MYRIP: variants seen among roughly 807,000 people sequenced by gnomAD.
MYRIP encodes myosin VIIA and Rab interacting protein, also known as rab effector MyRIP.
Under a neutral mutation model 98.0 loss-of-function variants are expected in MYRIP, and 49 were observed. The observed-to-expected ratio is 0.50, with a 90% confidence interval of 0.40 to 0.63. The LOEUF (loss-of-function observed/expected upper bound fraction) is 0.63, where lower values mean the gene tolerates loss of function less well. Ranked by LOEUF, MYRIP falls within the 30% of genes least tolerant of loss-of-function variation. The pLI, the probability that MYRIP is intolerant of heterozygous loss-of-function variation, is 0.00. For synonymous variants in MYRIP, 404 were observed against 409.5 expected (o/e 0.99, Z 0.16); for missense variants, 1,004 against 1,058.2 (o/e 0.95, Z 0.71).
intron 2 of MYRIP, among the ~76,000 whole-genome samples, chr3:39,942,344 G>T (rs981294409): frequency 3.9e-5 from 6 of 152,066 alleles, no homozygotes; most frequent in Non-Finnish European, 7.4e-5. Flanking sequence ...TAAAAATGTT[G>T]TATGAACCTT....
At chr3:39,945,113 G>A (rs1944869997) in intron 2 of MYRIP, among the ~76,000 whole-genome samples, 1 of 151,866 alleles carries the variant, frequency 6.6e-6, no homozygotes, top group South Asian at 2.1e-4. Flanking sequence ...TAAGCCACAT[G>A]CTTAAGGTTC....
In MYRIP at chr3:40,252,739, T is replaced by TGA. The variant is rs1953415940; in HGVS notation, c.2547+741_2547+742dup. On this transcript the variant is annotated intron_variant, in intron 16 of 16. Coordinates refer to ENST00000302541, the MANE Select transcript of MYRIP (RefSeq NM_015460.4). ...GCGGTCACAAGCCTACCAAGCCTGT[T>TGA]GATAGCTGGTTGTCCAAGATAGAAT... Among the ~76,000 whole-genome samples the TGA allele has an allele frequency of 2.0e-5, 3 of 152,192 alleles. 1 individual carries two copies. The South Asian group carries it at 6.2e-4, about 32-fold the overall frequency.
intron 2 of MYRIP, among the ~76,000 whole-genome samples, chr3:39,971,579 A>C (rs1945585746): frequency 6.6e-6 from 1 of 152,058 alleles, no homozygotes; most frequent in Non-Finnish European, 1.5e-5. Flanking sequence ...GCACAAAAGA[A>C]ATCTGTACCT....
intron 2 of MYRIP, among the ~76,000 whole-genome samples, chr3:40,039,727 T>C (rs199780418): frequency 6.9e-4 from 2 of 2,906 alleles, no homozygotes; most frequent in Non-Finnish European, 0.034. Context: ...CTGTTTTCCC[T>C]TTTTTTTTTT....
At chr3:40,218,182 C>T (rs1952181967) in intron 11 of MYRIP, among the ~76,000 whole-genome samples, 1 of 152,060 alleles carries the variant, frequency 6.6e-6, no homozygotes, top group African/African-American at 2.4e-5. Flanking sequence ...CACAGACACA[C>T]ACAAAAAACA....
intron 16 of MYRIP, among the ~76,000 whole-genome samples, chr3:40,255,383 C>T (rs9311241): frequency 0.014 from 2,149 of 152,198 alleles, 38 homozygotes; most frequent in African/African-American, 0.047. Flanking sequence ...TGTACAACCT[C>T]GTGAACATAC....
At chr3:40,161,538 C>T (rs1950395722) in intron 4 of MYRIP, among the ~76,000 whole-genome samples, 1 of 152,204 alleles carries the variant, frequency 6.6e-6, no homozygotes, top group Admixed American at 6.5e-5. Flanking sequence ...CCTCCCCCTC[C>T]CCTTGGTCTT....
At chr3:39,957,741 C>T (rs1472917973) in intron 2 of MYRIP, among the ~76,000 whole-genome samples, 1 of 152,094 alleles carries the variant, frequency 6.6e-6, no homozygotes, top group Non-Finnish European at 1.5e-5. Context: ...GTCAAATTGT[C>T]CCTGTTTGCA....
intron 8 of MYRIP, among the ~76,000 whole-genome samples, chr3:40,175,618 G>A (rs1020952848): frequency 1.3e-5 from 2 of 152,230 alleles, no homozygotes; most frequent in Non-Finnish European, 2.9e-5. Flanking sequence ...CCATAGCAGG[G>A]CCAGCCTGGT....
rs547209507 is a variant in MYRIP, at chr3:39,946,695, T to C, written c.110+45769T>C. ...AGCTTGGAAGCAGATCTTTCCCTAGTTGGGCCTCCCACATGAGGACACAGC... is the reference window on the plus strand; with the variant it reads ...AGCTTGGAAGCAGATCTTTCCCTAGCTGGGCCTCCCACATGAGGACACAGC... On this transcript the variant is annotated intron_variant, in intron 2 of 16. Transcript: ENST00000302541. Among the ~76,000 whole-genome samples the C allele has an allele frequency of 3.9e-5, 6 of 152,238 alleles. No homozygotes were observed. In the South Asian group the frequency reaches 8.3e-4, roughly 21 times the overall value.
At chr3:39,856,744 G>T (rs1047657704) in intron 1 of MYRIP, among the ~76,000 whole-genome samples, 1 of 152,160 alleles carries the variant, frequency 6.6e-6, no homozygotes, top group Admixed American at 6.5e-5. Flanking sequence ...CCATCTGATG[G>T]CCCCTGGACT....
chr3:40,120,975 G>A (rs1054006773), intron 3 of MYRIP, among the ~76,000 whole-genome samples: 1 of 151,936 alleles, frequency 6.6e-6, no homozygotes, highest in Non-Finnish European at 1.5e-5. Context: ...AATATGAGTC[G>A]AGCTCACTGA....
At chr3:40,101,737 A>G (rs1301813938) in intron 3 of MYRIP, among the ~76,000 whole-genome samples, 2 of 152,118 alleles carry the variant, frequency 1.3e-5, no homozygotes, top group Non-Finnish European at 2.9e-5. Context: ...CTATTGCTTC[A>G]TACCTGCAAT....
At chr3:39,860,828 TGGCATGTGTA>T (rs1350932376) in intron 1 of MYRIP, among the ~76,000 whole-genome samples, 7 of 152,206 alleles carry the variant, frequency 4.6e-5, no homozygotes, top group African/African-American at 1.7e-4. Context: ...CCTTTCCCAT[TGGCATGTGTA>T]GGCATGTATA....
intron 1 of MYRIP, among the ~76,000 whole-genome samples, chr3:39,853,117 T>C (rs887991276): frequency 2.0e-4 from 30 of 152,216 alleles, no homozygotes; most frequent in African/African-American, 7.0e-4. Flanking sequence ...AAGTATTTCA[T>C]AGCATATGTA....
chr3:39,891,120 A>G (rs35668421), intron 1 of MYRIP, among the ~76,000 whole-genome samples: 20,957 of 152,096 alleles, frequency 0.14, 1,520 homozygotes, highest in Middle Eastern at 0.17. Flanking sequence ...TGCTTTTTAA[A>G]CAATTTTCAA....
intron 2 of MYRIP, among the ~76,000 whole-genome samples, chr3:39,980,816 T>A (rs562520262): frequency 6.6e-6 from 1 of 152,312 alleles, no homozygotes; most frequent in East Asian, 1.9e-4. Flanking sequence ...TCAAAATATC[T>A]ATAAGTGCCT....
chr3:39,816,718 C>G (rs1382880834), intron 1 of MYRIP, among the ~76,000 whole-genome samples: 1 of 152,072 alleles, frequency 6.6e-6, no homozygotes, highest in East Asian at 1.9e-4. Context: ...TTAAATTAAA[C>G]TAAGTGTGTT....
intron 10 of MYRIP, among the ~76,000 whole-genome samples, chr3:40,207,052 T>C (rs1410089536): frequency 6.6e-6 from 1 of 152,210 alleles, no homozygotes; most frequent in Non-Finnish European, 1.5e-5. Flanking sequence ...AGTTGCTGAC[T>C]TCCTGCATAA....
Sources: gnomAD v4.1 joint callset for allele counts (sites outside exome capture counted in the v4.1 genomes callset) on GRCh38, gnomAD v4.1.1 for gene constraint, MANE v1.5 for transcripts, NCBI Gene and HGNC (gene_info 2026-07-23, HGNC 2026-07-21) for gene names.